Variants in TNS1 observed in about 807,000 individuals in gnomAD.
The protein encoded by TNS1 is tensin 1, also known as tensin-1.
In TNS1, 62 loss-of-function variants were observed where a neutral mutation model predicts 168.6. The ratio of observed to expected loss-of-function variants is 0.37; its 90% CI spans 0.30 to 0.45. The LOEUF (loss-of-function observed/expected upper bound fraction) is 0.45, where lower values mean the gene tolerates loss of function less well. Among genes scored for constraint, TNS1 ranks in the 20% least tolerant of loss-of-function variants. TNS1 has a pLI of 1.00. For synonymous variants in TNS1, 934 were observed against 933.2 expected (o/e 1.00, Z -0.02); for missense variants, 2,240 against 2,339.4 (o/e 0.96, Z 0.88).
intron 1 of TNS1, among the ~76,000 whole-genome samples, chr2:218,029,731 G>A (rs1267835406): frequency 2.6e-5 from 4 of 152,170 alleles, no homozygotes; most frequent in Non-Finnish European, 4.4e-5. Flanking sequence ...GTTAGAAGTC[G>A]GGATTGCGCA....
At chr2:218,006,551 A>G (rs1250784125), upstream of TNS1, among the ~76,000 whole-genome samples, 1 of 152,214 alleles carries the variant, frequency 6.6e-6, no homozygotes, top group Admixed American at 6.5e-5. Flanking sequence ...AAAGCTGGAA[A>G]GGTCTTCAAG....
chr2:217,809,252 CATGG>C (rs1216232621), intron 30 of TNS1, among the ~76,000 whole-genome samples: 3 of 12,088 alleles, frequency 2.5e-4, no homozygotes, highest in Non-Finnish European at 1.6e-4. Flanking sequence ...TGGATGGATG[CATGG>C]ATGGATGGAT....
intron 18 of TNS1, among the ~76,000 whole-genome samples, chr2:217,851,706 A>G (rs943988118): frequency 1.3e-5 from 2 of 152,194 alleles, no homozygotes; most frequent in Non-Finnish European, 2.9e-5. Flanking sequence ...AGACCCCTAA[A>G]GGCTGCTAAG....
At position 217,848,201 on chromosome 2, in the gene TNS1, C is replaced by T. The variant is rs756976396; in HGVS notation, c.2316G>A (p.Leu772=). The T allele has an allele frequency of 2.5e-6, 4 of 1,600,776 alleles. No individual in the cohort carries two copies. Among genetic ancestry groups the T allele is most frequent in the Non-Finnish European group, 3.4e-6 (4 of 1,174,020 alleles). The change falls in exon 19 of 33, where the codon CTG becomes CTA. Residue 772 remains leucine, a synonymous_variant. Coordinates refer to ENST00000682258, the MANE Select transcript of TNS1 (RefSeq NM_001387777.1). ...GCTGCTGCTGCTGCTGCCACGAATT[C>T]AGTCCCCTTTGCACAGCCTCCCGGC... ...GSSREAVQRG[L]NSWQQQQQQQ...
At chr2:217,840,643 G>T (rs1339338026) in intron 19 of TNS1, among the ~76,000 whole-genome samples, 1 of 152,246 alleles carries the variant, frequency 6.6e-6, no homozygotes, top group Non-Finnish European at 1.5e-5. Flanking sequence ...CTCTAGAGTG[G>T]ACAGAGCAGC....
At chr2:217,961,017 T>A (rs532421256) in intron 3 of TNS1, among the ~76,000 whole-genome samples, 1 of 152,026 alleles carries the variant, frequency 6.6e-6, no homozygotes, top group Non-Finnish European at 1.5e-5. Flanking sequence ...GGGATGTATG[T>A]AGGGTTTTCC....
At chr2:217,823,776 C>G (rs1943221015) in intron 22 of TNS1, among the ~76,000 whole-genome samples, 1 of 152,234 alleles carries the variant, frequency 6.6e-6, no homozygotes, top group Non-Finnish European at 1.5e-5. Flanking sequence ...CACGGGAGGT[C>G]TATTCTAGGT....
At chr2:217,974,834 G>C (rs778758849) in intron 3 of TNS1, among the ~76,000 whole-genome samples, 16 of 152,078 alleles carry the variant, frequency 1.1e-4, no homozygotes, top group Non-Finnish European at 2.2e-4. Flanking sequence ...CGGCCTCCTA[G>C]CTGCCAGGTC....
chr2:217,830,033 T>C, intron 22 of TNS1: 2 of 1,461,396 alleles, frequency 1.4e-6, no homozygotes, highest in Non-Finnish European at 1.8e-6. Context: ...AAAACGGAGA[T>C]GGGAAAGCTG....
intron 4 of TNS1, among the ~76,000 whole-genome samples, chr2:217,918,334 G>A (rs181634285): frequency 2.6e-5 from 4 of 152,284 alleles, no homozygotes; most frequent in East Asian, 1.9e-4. Flanking sequence ...TAACTCCCTC[G>A]CTCTTTACCG....
At chr2:217,835,986 T>C (rs925269280) in intron 20 of TNS1, 29 bp downstream of exon 20, 13 of 1,588,046 alleles carry the variant, frequency 8.2e-6, no homozygotes, top group Middle Eastern at 1.7e-4. Flanking sequence ...CTACCCTCCA[T>C]AGCCCCAAGA....
At chr2:217,876,377 G>A (rs969057103) in intron 18 of TNS1, among the ~76,000 whole-genome samples, 2 of 152,214 alleles carry the variant, frequency 1.3e-5, no homozygotes, top group Non-Finnish European at 2.9e-5. Context: ...TTGCTAATGG[G>A]GTTTCTGGAG....
rs149865301 is a variant in TNS1 at position 217,818,332 on chromosome 2, C to T, written c.4000G>A (p.Val1334Ile). The T allele has an allele frequency of 2.0e-5, 33 of 1,613,994 alleles. No homozygotes were observed. Among genetic ancestry groups the T allele is most frequent in the Non-Finnish European group, 2.8e-5 (33 of 1,180,016 alleles). The part of the protein sequence containing the change: ...PPGTGFHGST[V>I]SSPQSSAATT... ...GCTGCACTGCTCTGGGGGCTGGAGA[C>T]AGTGCTACCATGGAAGCCAGTGCCT... Residue 1334 changes from valine (V) to isoleucine (I), a missense_variant, in exon 24 of 33, where the codon GTC (valine) becomes ATC (isoleucine). By Grantham distance (29) the Val-to-Ile change is conservative. Around this residue, in one of 2 missense-constraint regions of TNS1, gnomAD observed 2,131 missense variants for 2,171.2 expected, o/e 0.98. Coordinates refer to ENST00000682258, the MANE Select transcript of TNS1 (RefSeq NM_001387777.1).
At chr2:217,949,476 T>C (rs1015219185) in intron 3 of TNS1, among the ~76,000 whole-genome samples, 2 of 152,226 alleles carry the variant, frequency 1.3e-5, no homozygotes, top group African/African-American at 2.4e-5. Context: ...TTGAGGCTTC[T>C]AGACCAGATA....
At chr2:217,820,616 G>A (rs1438611214) in intron 23 of TNS1, among the ~76,000 whole-genome samples, 2 of 152,154 alleles carry the variant, frequency 1.3e-5, no homozygotes, top group Non-Finnish European at 2.9e-5. Context: ...GCACGGCGAA[G>A]AAGGGATGGT....
intron 18 of TNS1, chr2:217,859,744 G>A (rs758983483): frequency 1.6e-5 from 23 of 1,455,878 alleles, no homozygotes; most frequent in African/African-American, 1.1e-4. Flanking sequence ...TTCAGAGTTC[G>A]CAATGCCTCA....
chr2:217,893,070 A>G (rs927058808), intron 10 of TNS1, 58 bp from the exon 11 acceptor site: 1 of 1,600,010 alleles, frequency 6.2e-7, no homozygotes. Context: ...GCTGCCCCAG[A>G]GCTTATCTAG....
chr2:217,962,514 T>G (rs1957524565), intron 3 of TNS1, among the ~76,000 whole-genome samples: 1 of 151,986 alleles, frequency 6.6e-6, no homozygotes, highest in African/African-American at 2.4e-5. Context: ...CATGGCTAGA[T>G]CAATTGGATT....
chr2:217,899,441 G>A (rs1178571503), intron 7 of TNS1, among the ~76,000 whole-genome samples: 2 of 152,212 alleles, frequency 1.3e-5, no homozygotes, highest in Non-Finnish European at 2.9e-5. Context: ...ACACATACCT[G>A]CAAGCAAGTG....
Sources: gnomAD v4.1 joint callset for allele counts (sites outside exome capture counted in the v4.1 genomes callset) on GRCh38, gnomAD v4.1.1 for gene constraint, gnomAD v4.1.1 regional missense constraint, MANE v1.5 for transcripts, NCBI Gene and HGNC (gene_info 2026-07-23, HGNC 2026-07-21) for gene names.